Variants in LRRC4C observed in about 807,000 individuals in gnomAD.
LRRC4C encodes leucine rich repeat containing 4C.
Under a neutral mutation model 33.6 loss-of-function variants are expected in LRRC4C, and 5 were observed. That is an observed-to-expected ratio of 0.15 (90% CI 0.08 to 0.31). The LOEUF (loss-of-function observed/expected upper bound fraction) is 0.31, where lower values mean the gene tolerates loss of function less well. LRRC4C is among the 10% of genes least tolerant of loss of function. LRRC4C has a pLI of 1.00. For missense variants in LRRC4C, 560 were observed against 796.7 expected (o/e 0.70, Z 3.58); for synonymous variants, 329 against 302.0 (o/e 1.09, Z -0.93).
chr11:40,573,025 G>C (rs184943166), intron 3 of LRRC4C, among the ~76,000 whole-genome samples: 1 of 152,050 alleles, frequency 6.6e-6, no homozygotes, highest in East Asian at 1.9e-4. Context: ...TCATTGATTA[G>C]GATTTAAATT....
At chr11:41,044,587 T>C (rs1422531795) in intron 1 of LRRC4C, among the ~76,000 whole-genome samples, 1 of 152,066 alleles carries the variant, frequency 6.6e-6, no homozygotes, top group Non-Finnish European at 1.5e-5. Context: ...GTGGTGAAAA[T>C]ACACACAAAA....
intron 3 of LRRC4C, among the ~76,000 whole-genome samples, chr11:40,459,427 GGA>G (rs1220506832): frequency 6.6e-6 from 1 of 150,580 alleles, no homozygotes; most frequent in East Asian, 2.0e-4. Flanking sequence ...CAGTCAGAGG[GGA>G]AAAATGACAA....
rs377321679 is a variant in LRRC4C, at chr11:40,746,208, C to A, written c.-406-97930G>T. Among the ~76,000 whole-genome samples, 56 of 152,268 alleles carry A rather than the reference C, an allele frequency of 3.7e-4. No homozygotes were observed. The East Asian group carries it at 4.1e-3, about 11-fold the overall frequency. On this transcript the variant is annotated intron_variant, in intron 2 of 6. Transcript: ENST00000528697. The stretch of plus-strand genomic sequence containing the variant: ...ACTCATGAGAAGTCCTCAACCTTTG[C>A]AGGCCCTAAAACTAACACTAGGAGC...
chr11:41,374,480 C>G (rs1017178529), intron 1 of LRRC4C, among the ~76,000 whole-genome samples: 3 of 151,820 alleles, frequency 2.0e-5, no homozygotes, highest in Non-Finnish European at 4.4e-5. Context: ...TTAAATAATA[C>G]CAAGAAAAAA....
chr11:41,191,168 A>C (rs977028390), intron 1 of LRRC4C, among the ~76,000 whole-genome samples: 1 of 152,154 alleles, frequency 6.6e-6, no homozygotes, highest in African/African-American at 2.4e-5. Flanking sequence ...GGTCCCATGC[A>C]GTCCCATTGT....
chr11:40,626,441 T>G (rs1336134312), intron 3 of LRRC4C, among the ~76,000 whole-genome samples: 1 of 152,042 alleles, frequency 6.6e-6, no homozygotes, highest in Non-Finnish European at 1.5e-5. Context: ...TCCATGAGAT[T>G]TTTTTTTGAC....
At chr11:40,901,982 C>G (rs1956221041) in intron 2 of LRRC4C, among the ~76,000 whole-genome samples, 1 of 141,656 alleles carries the variant, frequency 7.1e-6, no homozygotes, top group Admixed American at 7.3e-5. Flanking sequence ...AAAAGACAAT[C>G]TCTCTCTCTC....
At chr11:40,186,200 T>G (rs1432804372) in intron 5 of LRRC4C, among the ~76,000 whole-genome samples, 1 of 152,192 alleles carries the variant, frequency 6.6e-6, no homozygotes, top group Non-Finnish European at 1.5e-5. Flanking sequence ...ATAAATAAAC[T>G]ATCAAAGGCA....
chr11:40,256,586 A>G (rs908491165), intron 4 of LRRC4C, among the ~76,000 whole-genome samples: 2 of 152,164 alleles, frequency 1.3e-5, no homozygotes, highest in Non-Finnish European at 2.9e-5. Flanking sequence ...CAATAAATAA[A>G]TGAACAAATA....
intron 4 of LRRC4C, among the ~76,000 whole-genome samples, chr11:40,283,344 A>C (rs750288533): frequency 3.9e-5 from 6 of 152,222 alleles, no homozygotes; most frequent in Non-Finnish European, 5.9e-5. Context: ...CAATTTATAT[A>C]AAATCATTTG....
At chr11:40,626,652 T>G (rs1043426333) in intron 3 of LRRC4C, among the ~76,000 whole-genome samples, 8 of 152,180 alleles carry the variant, frequency 5.3e-5, no homozygotes, top group Non-Finnish European at 8.8e-5. Context: ...AACATCTGGG[T>G]CCTAAAACTT....
intron 3 of LRRC4C, among the ~76,000 whole-genome samples, chr11:40,594,777 A>G (rs1959193509): frequency 6.6e-6 from 1 of 152,176 alleles, no homozygotes; most frequent in African/African-American, 2.4e-5. Flanking sequence ...GCAATTATCA[A>G]AATAACATTT....
intron 1 of LRRC4C, among the ~76,000 whole-genome samples, chr11:41,447,214 CT>C (rs1376993519): frequency 1.3e-5 from 2 of 152,282 alleles, no homozygotes; most frequent in South Asian, 2.1e-4. Context: ...TACTTAAGCT[CT>C]CCTAAGCCTC....
intron 2 of LRRC4C, among the ~76,000 whole-genome samples, chr11:40,673,795 T>C (rs1341197782): frequency 6.6e-6 from 1 of 152,226 alleles, no homozygotes; most frequent in Non-Finnish European, 1.5e-5. Context: ...GGAAACTTTT[T>C]AGCTCCTCAT....
chr11:40,794,174 TCC>T (rs1950732855), intron 2 of LRRC4C, among the ~76,000 whole-genome samples: 1 of 151,994 alleles, frequency 6.6e-6, no homozygotes, highest in Non-Finnish European at 1.5e-5. Flanking sequence ...AACAAAGCAG[TCC>T]CCCGTAAATA....
chr11:41,154,494 G>A (rs1316749150), intron 1 of LRRC4C, among the ~76,000 whole-genome samples: 1 of 152,020 alleles, frequency 6.6e-6, no homozygotes, highest in Non-Finnish European at 1.5e-5. Context: ...ATCCAGTTAT[G>A]AGTATGTACT....
intron 5 of LRRC4C, among the ~76,000 whole-genome samples, chr11:40,229,929 A>G (rs1287748608): frequency 6.6e-6 from 1 of 152,180 alleles, no homozygotes; most frequent in Non-Finnish European, 1.5e-5. Context: ...AATTTATGAT[A>G]TCTTTTATTA....
chr11:40,847,804 TG>T (rs1953265312), intron 2 of LRRC4C, among the ~76,000 whole-genome samples: 1 of 133,008 alleles, frequency 7.5e-6, no homozygotes, highest in South Asian at 2.5e-4. Flanking sequence ...TTTTTTTGAT[TG>T]GTACGATATT....
intron 1 of LRRC4C, among the ~76,000 whole-genome samples, chr11:40,984,893 C>CAT (rs1852879582): frequency 3.8e-5 from 2 of 52,246 alleles, no homozygotes; most frequent in Admixed American, 6.1e-4. Context: ...CTCACTGACA[C>CAT]TTTTTTTTTT....
Sources: allele counts gnomAD v4.1 joint callset (sites outside exome capture counted in the v4.1 genomes callset), GRCh38; gene constraint gnomAD v4.1.1; transcripts MANE v1.5; gene names NCBI Gene and HGNC (gene_info 2026-07-23, HGNC 2026-07-21).